CDH18: variants seen among roughly 807,000 people sequenced by gnomAD.
CDH18 encodes the protein cadherin 18, also known as cadherin-18.
A neutral mutation model predicts 67.9 loss-of-function variants in CDH18; 31 were observed. That is an observed-to-expected ratio of 0.46 (90% confidence interval 0.34 to 0.62). The LOEUF (loss-of-function observed/expected upper bound fraction) is 0.62. Ranked by LOEUF, CDH18 falls within the 20% of genes least tolerant of loss-of-function variation. CDH18 has a pLI of 0.01. For missense variants in CDH18, 890 were observed against 975.5 expected (o/e 0.91, Z 1.17); for synonymous variants, 362 against 347.2 (o/e 1.04, Z -0.48).
At chr5:20,300,199 G>A (rs1467557341) in intron 1 of CDH18, among the ~76,000 whole-genome samples, 1 of 152,102 alleles carries the variant, frequency 6.6e-6, no homozygotes, top group South Asian at 2.1e-4. Context: ...TTAGTGGTCA[G>A]TAGAGATCTG....
intron 1 of CDH18, among the ~76,000 whole-genome samples, chr5:20,289,175 T>C (rs886295470): frequency 5.3e-5 from 8 of 151,988 alleles, no homozygotes; most frequent in Non-Finnish European, 1.0e-4. Flanking sequence ...GGATCCAATA[T>C]GGTATTAAAT....
chr5:19,728,345 T>C (rs1418528615), intron 4 of CDH18, among the ~76,000 whole-genome samples: 1 of 152,184 alleles, frequency 6.6e-6, no homozygotes, highest in Non-Finnish European at 1.5e-5. Flanking sequence ...AATATTTTCA[T>C]GGTAAATATT....
At chr5:20,487,128 T>C (rs1224407441) in intron 1 of CDH18, among the ~76,000 whole-genome samples, 1 of 152,178 alleles carries the variant, frequency 6.6e-6, no homozygotes, top group Non-Finnish European at 1.5e-5. Flanking sequence ...AGTTCAACAC[T>C]GTGGTTGCAG....
At chr5:20,130,945 T>A (rs1019626881) in intron 2 of CDH18, among the ~76,000 whole-genome samples, 5 of 152,098 alleles carry the variant, frequency 3.3e-5, no homozygotes, top group African/African-American at 1.2e-4. Flanking sequence ...CCTATTTTCT[T>A]GTATCTAATT....
chr5:19,922,421 T>C (rs1421620601), intron 2 of CDH18, among the ~76,000 whole-genome samples: 1 of 152,194 alleles, frequency 6.6e-6, no homozygotes, highest in Non-Finnish European at 1.5e-5. Context: ...ATGAAACTTA[T>C]TTCACCCAAA....
intron 8 of CDH18, among the ~76,000 whole-genome samples, chr5:19,551,611 GA>G (rs1317190708): frequency 6.6e-6 from 1 of 152,118 alleles, no homozygotes; most frequent in Non-Finnish European, 1.5e-5. Context: ...GGCCTTCATA[GA>G]AAACAGCTAT....
rs528546791 is a variant in CDH18, at chr5:19,736,325, G to A, written c.523+10617C>T. Among the ~76,000 whole-genome samples, 3 of 152,238 alleles carry A rather than the reference G, an allele frequency of 2.0e-5. No individual in the cohort carries two copies. In the South Asian group the frequency reaches 6.2e-4, roughly 32 times the overall value. On this transcript the variant is annotated intron_variant, in intron 4 of 12. Coordinates refer to ENST00000382275, the MANE Select transcript of CDH18 (RefSeq NM_004934.5). ...GAGCCTCGGAGATCAAGGCTGCAGT[G>A]AGCCATAATCGTGCTGCCACTGCAC...
intron 1 of CDH18, among the ~76,000 whole-genome samples, chr5:20,446,471 A>G (rs1289726197): frequency 6.6e-6 from 1 of 152,188 alleles, no homozygotes; most frequent in African/African-American, 2.4e-5. Context: ...GGAGCTTGAA[A>G]AAAGTTTGCT....
At chr5:20,518,099 A>T (rs1561087229) in intron 1 of CDH18, among the ~76,000 whole-genome samples, 1 of 152,112 alleles carries the variant, frequency 6.6e-6, no homozygotes, top group Non-Finnish European at 1.5e-5. Flanking sequence ...TTCCAGTAAG[A>T]AACAACAGAA....
intron 9 of CDH18, among the ~76,000 whole-genome samples, chr5:19,532,429 A>T (rs1174044077): frequency 6.6e-6 from 1 of 152,186 alleles, no homozygotes; most frequent in African/African-American, 2.4e-5. Flanking sequence ...TCCTTTACCC[A>T]GAACTAAGGT....
At chr5:19,949,885 T>C (rs1795622185) in intron 2 of CDH18, among the ~76,000 whole-genome samples, 1 of 151,896 alleles carries the variant, frequency 6.6e-6, no homozygotes, top group Non-Finnish European at 1.5e-5. Context: ...GACACTTGCA[T>C]GCGTGTGTTT....
intron 9 of CDH18, among the ~76,000 whole-genome samples, chr5:19,524,077 T>C (rs2126928321): frequency 6.6e-6 from 1 of 152,064 alleles, no homozygotes; most frequent in East Asian, 1.9e-4. Flanking sequence ...ATGTTTAGGA[T>C]AATGCTTTTG....
chr5:19,853,626 A>G (rs1281272810), intron 2 of CDH18, among the ~76,000 whole-genome samples: 1 of 152,118 alleles, frequency 6.6e-6, no homozygotes, highest in African/African-American at 2.4e-5. Flanking sequence ...TCACAGCAAA[A>G]ATACACTTTC....
chr5:19,597,744 T>C (rs1272546404), intron 6 of CDH18, among the ~76,000 whole-genome samples: 1 of 152,198 alleles, frequency 6.6e-6, no homozygotes, highest in Non-Finnish European at 1.5e-5. Flanking sequence ...AAGTGAGCCA[T>C]TTGCTATAAT....
intron 2 of CDH18, among the ~76,000 whole-genome samples, chr5:20,235,536 A>G (rs533282948): frequency 6.6e-6 from 1 of 152,304 alleles, no homozygotes; most frequent in Non-Finnish European, 1.5e-5. Context: ...GTTCGTCATC[A>G]CTAATAATTA....
intron 1 of CDH18, among the ~76,000 whole-genome samples, chr5:20,450,092 C>T (rs1189438659): frequency 1.3e-5 from 2 of 151,862 alleles, no homozygotes; most frequent in Non-Finnish European, 2.9e-5. Context: ...AATCCCAGCA[C>T]TTTGGGAGGC....
intron 1 of CDH18, among the ~76,000 whole-genome samples, chr5:20,553,766 G>GA (rs1290021025): frequency 2.0e-5 from 3 of 151,982 alleles, no homozygotes; most frequent in Non-Finnish European, 4.4e-5. Context: ...CACTTGAAAT[G>GA]AAAAAATTAC....
intron 2 of CDH18, among the ~76,000 whole-genome samples, chr5:20,038,355 G>A (rs1481086604): frequency 6.6e-6 from 1 of 152,044 alleles, no homozygotes; most frequent in Non-Finnish European, 1.5e-5. Flanking sequence ...TATTATGAGG[G>A]TAGCATCATC....
At chr5:20,517,269 G>A (rs185777879) in intron 1 of CDH18, among the ~76,000 whole-genome samples, 1 of 151,302 alleles carries the variant, frequency 6.6e-6, no homozygotes, top group Admixed American at 6.6e-5. Context: ...AAAATTATTT[G>A]CTTATATATT....
Sources: gnomAD v4.1 joint callset for allele counts (sites outside exome capture counted in the v4.1 genomes callset) on GRCh38, gnomAD v4.1.1 for gene constraint, MANE v1.5 for transcripts, NCBI Gene and HGNC (gene_info 2026-07-23, HGNC 2026-07-21) for gene names.